Variants in RIT2 observed in about 807,000 individuals in gnomAD.
The protein encoded by RIT2 is GTP-binding protein Rit2.
In RIT2, 24 loss-of-function variants were observed where a neutral mutation model predicts 23.7. That is an observed-to-expected ratio of 1.01 (90% CI 0.73 to 1.43). The LOEUF (loss-of-function observed/expected upper bound fraction) is 1.43, where lower values mean the gene tolerates loss of function less well. Ranked by LOEUF, RIT2 falls within the 40% of genes most tolerant of loss-of-function variation. The pLI is 0.00. For missense variants in RIT2, 236 were observed against 266.9 expected, an observed-to-expected ratio of 0.88 and a Z score of 0.81; for synonymous variants, 107 against 91.1, an observed-to-expected ratio of 1.17 and a Z score of -0.99.
intron 2 of RIT2, among the ~76,000 whole-genome samples, chr18:42,985,356 G>A (rs1022615957): frequency 6.6e-6 from 1 of 152,022 alleles, no homozygotes; most frequent in Non-Finnish European, 1.5e-5. Context: ...TTCCCTAATT[G>A]ATCTAGAAAT....
chr18:42,778,671 C>G (rs2143928062), intron 4 of RIT2, among the ~76,000 whole-genome samples: 1 of 127,194 alleles, frequency 7.9e-6, no homozygotes, highest in Admixed American at 8.6e-5. Flanking sequence ...TATTACCCAC[C>G]ACATGATGCC....
intron 2 of RIT2, among the ~76,000 whole-genome samples, chr18:42,985,484 T>C (rs1185823422): frequency 6.6e-6 from 1 of 152,204 alleles, no homozygotes; most frequent in African/African-American, 2.4e-5. Context: ...CAACAAGCTC[T>C]ACCATGTATT....
intron 2 of RIT2, among the ~76,000 whole-genome samples, chr18:42,994,631 G>A (rs1326006731): frequency 6.6e-6 from 1 of 152,060 alleles, no homozygotes; most frequent in Admixed American, 6.5e-5. Context: ...CGAAGTGCAG[G>A]GCTGTGCAGT....
intron 1 of RIT2, among the ~76,000 whole-genome samples, chr18:43,048,475 C>T (rs1912301988): frequency 6.6e-6 from 1 of 152,092 alleles, no homozygotes; most frequent in African/African-American, 2.4e-5. Context: ...CATTATGTGG[C>T]TTTAGGAGAG....
intron 4 of RIT2, among the ~76,000 whole-genome samples, chr18:42,864,168 G>A (rs1180065793): frequency 6.6e-6 from 1 of 152,116 alleles, no homozygotes; most frequent in Non-Finnish European, 1.5e-5. Context: ...CCTGTTGGTT[G>A]CCATGCCTTT....
intron 4 of RIT2, among the ~76,000 whole-genome samples, chr18:42,787,262 G>A (rs1353871496): frequency 6.6e-6 from 1 of 151,286 alleles, no homozygotes; most frequent in Admixed American, 6.6e-5. Context: ...AGTTTGCTGA[G>A]AATGATGGTT....
At chr18:42,940,623 CAT>C (rs910627101) in intron 3 of RIT2, among the ~76,000 whole-genome samples, 11 of 151,946 alleles carry the variant, frequency 7.2e-5, no homozygotes, top group Non-Finnish European at 1.6e-4. Context: ...TGAAAAAACA[CAT>C]GTCATATAAA....
intron 2 of RIT2, among the ~76,000 whole-genome samples, chr18:42,997,634 A>C (rs1432708033): frequency 1.3e-5 from 2 of 152,126 alleles, no homozygotes; most frequent in African/African-American, 4.8e-5. Flanking sequence ...CTCATTCAAA[A>C]AATATTTTGA....
At chr18:43,018,091 G>T (rs572068456) in intron 2 of RIT2, among the ~76,000 whole-genome samples, 2 of 152,138 alleles carry the variant, frequency 1.3e-5, no homozygotes, top group Non-Finnish European at 2.9e-5. Flanking sequence ...TGGGCTCAAG[G>T]TCAAACAGCT....
At chr18:42,773,913 A>G (rs1913607279) in intron 4 of RIT2, among the ~76,000 whole-genome samples, 1 of 152,186 alleles carries the variant, frequency 6.6e-6, no homozygotes, top group South Asian at 2.1e-4. Flanking sequence ...TAAAATGACT[A>G]AAAGGAAAAC....
At chr18:42,795,567 T>TG (rs1332079987) in intron 4 of RIT2, among the ~76,000 whole-genome samples, 1 of 152,194 alleles carries the variant, frequency 6.6e-6, no homozygotes, top group Admixed American at 6.5e-5. Flanking sequence ...CGCAGCCCCC[T>TG]GCTCCACGGC....
At chr18:43,019,531 C>T (rs1028938636) in intron 2 of RIT2, among the ~76,000 whole-genome samples, 1 of 151,704 alleles carries the variant, frequency 6.6e-6, no homozygotes, top group Admixed American at 6.6e-5. Context: ...ATAGAAGTAA[C>T]ATACCTAACA....
intron 4 of RIT2, among the ~76,000 whole-genome samples, chr18:42,918,009 T>C (rs1261237315): frequency 6.6e-6 from 1 of 152,180 alleles, no homozygotes; most frequent in Non-Finnish European, 1.5e-5. Flanking sequence ...TATGTATGCA[T>C]GCATATTTGA....
chr18:42,973,172 A>G (rs944591783), intron 3 of RIT2, among the ~76,000 whole-genome samples: 4 of 151,744 alleles, frequency 2.6e-5, no homozygotes, highest in Admixed American at 2.0e-4. Context: ...ACCCAAATAT[A>G]GGGTTGTTTT....
chr18:43,091,560 T>C (rs947385963), intron 1 of RIT2, among the ~76,000 whole-genome samples: 8 of 152,098 alleles, frequency 5.3e-5, no homozygotes, highest in African/African-American at 1.9e-4. Context: ...TTATCTTCAT[T>C]TGGACCCTCT....
At chr18:43,098,634 A>G (rs1247313471) in intron 1 of RIT2, among the ~76,000 whole-genome samples, 2 of 151,964 alleles carry the variant, frequency 1.3e-5, no homozygotes, top group Admixed American at 6.6e-5. Context: ...AACCACGACA[A>G]CAATAACTAG....
chr18:43,002,261 C>T (rs761383655), intron 2 of RIT2, among the ~76,000 whole-genome samples: 11 of 151,816 alleles, frequency 7.2e-5, no homozygotes, highest in Non-Finnish European at 1.5e-4. Flanking sequence ...AACACTTAAT[C>T]GGTCGAATTC....
intron 1 of RIT2, among the ~76,000 whole-genome samples, chr18:43,087,939 T>G (rs1229541068): frequency 6.6e-6 from 1 of 152,196 alleles, no homozygotes; most frequent in Non-Finnish European, 1.5e-5. Flanking sequence ...ATCTTTGCTA[T>G]TATTGTTAGT....
chr18:42,805,515 G>A (rs1905659113), intron 4 of RIT2, among the ~76,000 whole-genome samples: 1 of 152,108 alleles, frequency 6.6e-6, no homozygotes, highest in Non-Finnish European at 1.5e-5. Context: ...AATCACATGA[G>A]TAAATGTCAT....
Sources: gnomAD v4.1 joint callset for allele counts (sites outside exome capture counted in the v4.1 genomes callset) on GRCh38, gnomAD v4.1.1 for gene constraint, MANE v1.5 for transcripts, NCBI Gene and HGNC (gene_info 2026-07-23, HGNC 2026-07-21) for gene names.